The following EFHD1 variants were observed in gnomAD, a reference collection of about 807,000 sequenced individuals.
EFHD1 encodes the protein EF-hand domain family member D1, also known as EF-hand domain-containing protein D1.
In EFHD1, 10 loss-of-function variants were observed where a neutral mutation model predicts 17.2. The ratio of observed to expected loss-of-function variants is 0.58; its 90% CI spans 0.36 to 0.99. The LOEUF is 0.99. Ranked by LOEUF, EFHD1 falls within the 50% of genes least tolerant of loss-of-function variation. The pLI, the probability that EFHD1 is intolerant of heterozygous loss-of-function variation, is 0.01. For missense variants in EFHD1, 310 were observed against 327.5 expected (o/e 0.95, Z 0.41); for synonymous variants, 153 against 142.0 (o/e 1.08, Z -0.55).
intron 2 of EFHD1, among the ~76,000 whole-genome samples, chr2:232,665,412 C>G (rs780720023): frequency 6.6e-6 from 1 of 151,878 alleles, no homozygotes; most frequent in Non-Finnish European, 1.5e-5. Context: ...TCATTTGGCA[C>G]CTGTATTATA....
chr2:232,615,495 CT>C (rs1459049202), intron 1 of EFHD1, among the ~76,000 whole-genome samples: 1 of 151,812 alleles, frequency 6.6e-6, no homozygotes, highest in African/African-American at 2.4e-5. Context: ...CCTGCCTGCT[CT>C]TGTTTATGTG....
At chr2:232,618,635 A>T (rs1693966845) in intron 1 of EFHD1, among the ~76,000 whole-genome samples, 2 of 150,644 alleles carry the variant, frequency 1.3e-5, no homozygotes, top group Admixed American at 6.7e-5. Context: ...AGGTAAGAGG[A>T]TTGCTTGAGC....
chr2:232,649,212 G>A (rs1694590017), intron 1 of EFHD1, among the ~76,000 whole-genome samples: 1 of 152,232 alleles, frequency 6.6e-6, no homozygotes, highest in Non-Finnish European at 1.5e-5. Context: ...TTGCTAGCTG[G>A]CCCTGGGTGG....
intron 1 of EFHD1, among the ~76,000 whole-genome samples, chr2:232,636,816 C>T (rs139067983): frequency 0.011 from 1,748 of 152,258 alleles, 12 homozygotes; most frequent in Non-Finnish European, 0.019. Context: ...GAGTGCGACT[C>T]CGTCTCAAAA....
At chr2:232,654,219 AAAAG>A (rs1332630989) in intron 1 of EFHD1, among the ~76,000 whole-genome samples, 7 of 150,854 alleles carry the variant, frequency 4.6e-5, no homozygotes, top group East Asian at 3.9e-4. Flanking sequence ...AAAAAAAAAA[AAAAG>A]AAAAGAAAGA....
At chr2:232,607,300 G>T (rs1195586739) in intron 1 of EFHD1, among the ~76,000 whole-genome samples, 1 of 151,780 alleles carries the variant, frequency 6.6e-6, no homozygotes, top group Non-Finnish European at 1.5e-5. Flanking sequence ...AAATTAGCCG[G>T]TCGGGCTGGG....
intron 3 of EFHD1, among the ~76,000 whole-genome samples, chr2:232,679,693 C>CT (rs1304222366): frequency 1.4e-5 from 2 of 145,902 alleles, no homozygotes; most frequent in Non-Finnish European, 3.0e-5. Context: ...CAACCTCAAC[C>CT]TGGGGGATGG....
chr2:232,607,580 C>G (rs564280198), intron 1 of EFHD1, among the ~76,000 whole-genome samples: 16 of 143,748 alleles, frequency 1.1e-4, no homozygotes, highest in Non-Finnish European at 2.2e-4. Flanking sequence ...GGTAACAGAG[C>G]GAGAATGTCT....
intron 3 of EFHD1, among the ~76,000 whole-genome samples, chr2:232,677,207 T>TACACTC (rs1553601801): frequency 1.5e-5 from 2 of 131,266 alleles, no homozygotes; most frequent in African/African-American, 6.1e-5. Context: ...ACCCCATCTC[T>TACACTC]ACACACACAC....
chr2:232,658,236 T>A (rs1295520289), intron 1 of EFHD1, among the ~76,000 whole-genome samples: 1 of 152,178 alleles, frequency 6.6e-6, no homozygotes, highest in Non-Finnish European at 1.5e-5. Context: ...ATATTTTATC[T>A]GTGGACATCA....
At chr2:232,644,106 C>CGAGG (rs995114663) in intron 1 of EFHD1, among the ~76,000 whole-genome samples, 1 of 152,140 alleles carries the variant, frequency 6.6e-6, no homozygotes, top group African/African-American at 2.4e-5. Flanking sequence ...TTTCAGGGAA[C>CGAGG]CCCTCCTTCC....
chr2:232,619,058 A>G (rs1693975947), intron 1 of EFHD1, among the ~76,000 whole-genome samples: 1 of 151,840 alleles, frequency 6.6e-6, no homozygotes. Context: ...CCGAGGCAGG[A>G]GAATCGCTTG....
intron 1 of EFHD1, among the ~76,000 whole-genome samples, chr2:232,627,014 G>GTCTCTCTCTCTCTC (rs34012045): frequency 7.0e-4 from 49 of 69,742 alleles, no homozygotes; most frequent in Admixed American, 5.2e-3. Flanking sequence ...GTGAGATCCT[G>GTCTCTCTCTCTCTC]TCTCTCTCTC....
At chr2:232,617,315 G>A (rs973759568) in intron 1 of EFHD1, among the ~76,000 whole-genome samples, 1 of 152,162 alleles carries the variant, frequency 6.6e-6, no homozygotes, top group Admixed American at 6.5e-5. Context: ...CATCAACAGT[G>A]AAATGTTATG....
At chr2:232,669,887 C>T (rs1159132435) in intron 2 of EFHD1, among the ~76,000 whole-genome samples, 1 of 152,144 alleles carries the variant, frequency 6.6e-6, no homozygotes, top group Non-Finnish European at 1.5e-5. Context: ...GCGTGAGCCA[C>T]TGCACCTGGC....
chr2:232,634,980 A>G (rs1235736164), intron 1 of EFHD1, among the ~76,000 whole-genome samples: 2 of 112,178 alleles, frequency 1.8e-5, no homozygotes, highest in Non-Finnish European at 4.7e-5. Context: ...GTTCTATTTA[A>G]AGGCGCTGTG....
In EFHD1 at chr2:232,610,468, A is replaced by G. The variant is rs199720721; in HGVS notation, c.14+4295A>G. Reference sequence around the variant, plus strand: ...CACATGCCTGTAATCTCAGCTACTCAGGAGGCTGAGGCAGGAGAATCACTT... The same window carrying G: ...CACATGCCTGTAATCTCAGCTACTCGGGAGGCTGAGGCAGGAGAATCACTT... On this transcript the variant is annotated intron_variant, in intron 1 of 3. Transcript: ENST00000409613. 5.3e-5 allele frequency among the ~76,000 whole-genome samples: 8 copies of G among 152,260 alleles called. No homozygotes were observed. The East Asian group carries it at 1.4e-3, about 26-fold the overall frequency.
In EFHD1 at chr2:232,623,777, G is replaced by A. The variant is rs375059800; in HGVS notation, c.14+17604G>A. Among the ~76,000 whole-genome samples, 420 of 151,878 alleles carry A rather than the reference G, an allele frequency of 2.8e-3. 2 individuals carry two copies. The highest frequency in any genetic ancestry group is 0.02 in the Middle Eastern group (6 of 294). Reference sequence around the variant, plus strand: ...ATTTCTGTTGGACAGCGCTGTCTTCGACCAGTCCTTCCTGCCTGCGTGAGT... The same window carrying A: ...ATTTCTGTTGGACAGCGCTGTCTTCAACCAGTCCTTCCTGCCTGCGTGAGT... On this transcript the variant is annotated intron_variant, in intron 1 of 3. Transcript: ENST00000409613.
chr2:232,645,978 A>G (rs1694519288), intron 1 of EFHD1, among the ~76,000 whole-genome samples: 1 of 152,156 alleles, frequency 6.6e-6, no homozygotes, highest in Non-Finnish European at 1.5e-5. Flanking sequence ...CATCCCCTGC[A>G]TAGCCAGGCA....
Sources: allele counts gnomAD v4.1 joint callset (sites outside exome capture counted in the v4.1 genomes callset), GRCh38; gene constraint gnomAD v4.1.1; transcripts MANE v1.5; gene names NCBI Gene and HGNC (gene_info 2026-07-23, HGNC 2026-07-21).